Variants in CCDC88C observed in about 807,000 individuals in gnomAD.
CCDC88C encodes the protein protein Daple.
CCDC88C carries 131 observed loss-of-function variants against 198.8 expected under a neutral mutation model. The ratio of observed to expected loss-of-function variants is 0.66; its 90% CI spans 0.57 to 0.76. CCDC88C has a LOEUF of 0.76. CCDC88C is among the 30% of genes least tolerant of loss of function. The pLI is 0.00. For missense variants in CCDC88C, 2,553 were observed against 2,631.6 expected, an observed-to-expected ratio of 0.97 and a Z score of 0.65; for synonymous variants, 1,166 against 1,114.7, an observed-to-expected ratio of 1.05 and a Z score of -0.92.
chr14:91,388,273 G>A (rs150730207), intron 3 of CCDC88C, among the ~76,000 whole-genome samples: 224 of 152,302 alleles, frequency 1.5e-3, no homozygotes, highest in Admixed American at 2.2e-3. Context: ...ACACAGAAGT[G>A]AGCTCCAGCT....
At chr14:91,278,864 C>T (rs1291367569) in intron 28 of CCDC88C, among the ~76,000 whole-genome samples, 1 of 150,256 alleles carries the variant, frequency 6.7e-6, no homozygotes. Context: ...AATAATATGA[C>T]CCCAGAGCCA....
At chr14:91,318,943 C>T (rs538239512) in intron 13 of CCDC88C, among the ~76,000 whole-genome samples, 12 of 127,950 alleles carry the variant, frequency 9.4e-5, no homozygotes, top group African/African-American at 3.3e-4. Flanking sequence ...AAAAAAGAAC[C>T]TGCAGAGCCA....
In CCDC88C at chr14:91,277,916, A is replaced by G; in HGVS notation, c.5058+6T>C. ...GACGGGCCAAGTCCGTGTCCGGATC[A>G]CTCACATGGGTGGGGGAGCTGCGGT... On this transcript the variant is annotated splice_donor_region_variant and intron_variant, in intron 29 of 29. Coordinates refer to ENST00000389857, the MANE Select transcript of CCDC88C (RefSeq NM_001080414.4). 6.7e-7 allele frequency: 1 copy of G among 1,490,646 alleles called. No individual in the cohort carries two copies. The highest frequency in any genetic ancestry group is 9.0e-7 in the Non-Finnish European group (1 of 1,111,630). The allele number at this position is 1,490,646 out of a possible 1,614,324, so 92.3% of individuals were successfully genotyped here. A position where few individuals can be genotyped will look rare whatever the true frequency, so the allele number is the denominator to read the frequency against.
intron 3 of CCDC88C, among the ~76,000 whole-genome samples, chr14:91,405,196 G>A (rs377130118): frequency 3.9e-5 from 6 of 152,208 alleles, no homozygotes; most frequent in Non-Finnish European, 5.9e-5. Flanking sequence ...CTAGCGACAC[G>A]GCCCACGCTC....
At chr14:91,333,640 T>C (rs866127695) in intron 10 of CCDC88C, among the ~76,000 whole-genome samples, 1 of 152,270 alleles carries the variant, frequency 6.6e-6, no homozygotes, top group Non-Finnish European at 1.5e-5. Context: ...TTCAGTTTCC[T>C]ATAACGCACA....
chr14:91,360,252 T>TCTCACACACACACACACA (rs1436609846), intron 3 of CCDC88C, among the ~76,000 whole-genome samples: 2 of 144,196 alleles, frequency 1.4e-5, no homozygotes, highest in East Asian at 4.1e-4. Flanking sequence ...GACCCCATCT[T>TCTCACACACACACACACA]CACACACACA....
intron 3 of CCDC88C, among the ~76,000 whole-genome samples, chr14:91,369,434 G>A (rs1173008949): frequency 6.6e-6 from 1 of 152,218 alleles, no homozygotes; most frequent in Non-Finnish European, 1.5e-5. Flanking sequence ...TTGAACTCCT[G>A]ACCTCAGGTG....
At chr14:91,398,035 T>C (rs1276289850) in intron 3 of CCDC88C, among the ~76,000 whole-genome samples, 1 of 152,216 alleles carries the variant, frequency 6.6e-6, no homozygotes, top group Non-Finnish European at 1.5e-5. Flanking sequence ...TTCTTTATAA[T>C]ACCGAAGTAA....
rs1892557950 is a variant in CCDC88C at position 91,325,739 on chromosome 14, CA to C, written c.1197+170del. Among the ~76,000 whole-genome samples the C allele has an allele frequency of 6.6e-6, 1 of 152,038 alleles. No individual in the cohort carries two copies. Among genetic ancestry groups the C allele is most frequent in the South Asian group, 2.1e-4 (1 of 4,822 alleles). ...AACTACAGGCTCACACCACCATGCC[CA>C]ATTATTTAGTTTTCGTAGAGATGGG... On this transcript the variant is annotated intron_variant, in intron 11 of 29. Transcript: ENST00000389857. The surrounding 1 kb of genome is among the most constrained non-coding windows in gnomAD (Gnocchi z 4.1).
In CCDC88C at chr14:91,314,828, C is replaced by T. The variant is rs943706410; in HGVS notation, c.1666-678G>A. ...CTCTGGGCTTTTTATTCCTCTACTA[C>T]AGATGCCAAAAAGCTAAAATACTTG... On this transcript the variant is annotated intron_variant, in intron 14 of 29. Transcript: ENST00000389857. Among the ~76,000 whole-genome samples the T allele has an allele frequency of 3.3e-5, 5 of 152,284 alleles. No individual in the cohort carries two copies. The East Asian group carries it at 7.7e-4, about 24-fold the overall frequency.
At chr14:91,382,104 C>T (rs1884833371) in intron 3 of CCDC88C, among the ~76,000 whole-genome samples, 1 of 152,152 alleles carries the variant, frequency 6.6e-6, no homozygotes, top group African/African-American at 2.4e-5. Flanking sequence ...AGAGACAAGT[C>T]ACAATTTCTC....
intron 3 of CCDC88C, among the ~76,000 whole-genome samples, chr14:91,376,234 C>T (rs1472329537): frequency 3.3e-5 from 5 of 152,210 alleles, no homozygotes; most frequent in African/African-American, 9.6e-5. Context: ...AGGTGCTCGT[C>T]GCCGGGCATA....
At chr14:91,342,747 T>C (rs1228935692) in intron 5 of CCDC88C, among the ~76,000 whole-genome samples, 1 of 152,164 alleles carries the variant, frequency 6.6e-6, no homozygotes, top group Non-Finnish European at 1.5e-5. Context: ...ACGCTTCATT[T>C]TAAACAAGCT....
At chr14:91,394,895 AAC>A (rs1229637343) in intron 3 of CCDC88C, among the ~76,000 whole-genome samples, 2 of 152,166 alleles carry the variant, frequency 1.3e-5, no homozygotes, top group Non-Finnish European at 2.9e-5. Flanking sequence ...GTAACAAATG[AAC>A]ACAGAGTGGC....
chr14:91,355,782 G>A (rs1361720470), intron 4 of CCDC88C, among the ~76,000 whole-genome samples: 1 of 152,076 alleles, frequency 6.6e-6, no homozygotes, highest in Non-Finnish European at 1.5e-5. Flanking sequence ...TGTAAGTTGT[G>A]GCACCTCCCT....
At chr14:91,315,814 T>C (rs1001387689) in intron 13 of CCDC88C, 27 bp from the exon 14 acceptor site, 4 of 1,605,218 alleles carry the variant, frequency 2.5e-6, no homozygotes, top group Non-Finnish European at 3.4e-6. Context: ...CCCAGCCCAG[T>C]GCAGACATCA....
Position 91,273,301 on chromosome 14 carries a change from G to A in CCDC88C, c.5411C>T (p.Ala1804Val), listed in dbSNP as rs574262200. 23 of 1,558,660 alleles carry A rather than the reference G, an allele frequency of 1.5e-5. No individual in the cohort carries two copies. In the African/African-American group the frequency reaches 3.1e-4, roughly 21 times the overall value. The change falls in exon 30 of 30, where the codon GCC (alanine) becomes GTC (valine). Residue 1804 changes from alanine (A) to valine (V), a missense_variant. Physicochemically the swap from Ala to Val is moderately conservative, Grantham distance 64. Transcript: ENST00000389857. This position sits in a 1 kb window ranked among gnomAD's most constrained non-coding sequence, Gnocchi z 5.6. Reference protein sequence around the residue: ...PASRSASLSRAFSLASADLLR... With the variant: ...PASRSASLSRVFSLASADLLR... ...AAGGTCAGCTGAGGCCAGGCTGAAGGCCCGGCTCAAGGAGGCACTGCGGCT... is the reference window on the plus strand; with the variant it reads ...AAGGTCAGCTGAGGCCAGGCTGAAGACCCGGCTCAAGGAGGCACTGCGGCT...
rs749665315 is a variant in CCDC88C, at chr14:91,297,369, T to C, written c.3902A>G (p.Asp1301Gly). ...GGTCTGGTGCTGCTCCTTCAGCTCG[T>C]CGAAGCGGGCCTGCCAGCGGTTGAG... is the stretch of plus-strand genomic sequence containing the variant. ...LELNRWQARF[D>G]ELKEQHQTMD... Residue 1301 changes from aspartate (D) to glycine (G), a missense_variant, in exon 22 of 30, where the codon GAC (aspartate) becomes GGC (glycine). By Grantham distance (94) the Asp-to-Gly change is moderately conservative. Transcript: ENST00000389857. The C allele has an allele frequency of 5.6e-6, 9 of 1,613,520 alleles. No homozygotes were observed. The highest frequency in any genetic ancestry group is 7.6e-6 in the Non-Finnish European group (9 of 1,179,772).
At chr14:91,310,882 G>A (rs1344559969) in intron 15 of CCDC88C, among the ~76,000 whole-genome samples, 1 of 152,126 alleles carries the variant, frequency 6.6e-6, no homozygotes, top group Non-Finnish European at 1.5e-5. Context: ...AGACCTGAAC[G>A]GCACTGTGAC....
Sources: allele counts gnomAD v4.1 joint callset (sites outside exome capture counted in the v4.1 genomes callset), GRCh38; gene constraint gnomAD v4.1.1; non-coding constraint Gnocchi (gnomAD v3.1); transcripts MANE v1.5; gene names NCBI Gene and HGNC (gene_info 2026-07-23, HGNC 2026-07-21).